The following LGR4 variants were observed in gnomAD, a reference collection of about 807,000 sequenced individuals.
The protein encoded by LGR4 is leucine-rich repeat-containing G protein-coupled receptor 4.
In LGR4, 44 loss-of-function variants were observed where a neutral mutation model predicts 84.8. That is an observed-to-expected ratio of 0.52 (90% CI 0.41 to 0.67). The LOEUF (loss-of-function observed/expected upper bound fraction) is 0.67, where lower values mean the gene tolerates loss of function less well. LGR4 is among the 30% of genes least tolerant of loss of function. The pLI is 0.00. For synonymous variants in LGR4, 429 were observed against 434.3 expected (o/e 0.99, Z 0.15); for missense variants, 1,032 against 1,131.4 (o/e 0.91, Z 1.26).
intron 1 of LGR4, among the ~76,000 whole-genome samples, chr11:27,434,472 A>G (rs1307848352): frequency 6.6e-6 from 1 of 152,222 alleles, no homozygotes; most frequent in Non-Finnish European, 1.5e-5. Flanking sequence ...CCAAAGTAAA[A>G]TAATTTTTGG....
chr11:27,438,581 G>C (rs1419915707), intron 1 of LGR4, among the ~76,000 whole-genome samples: 1 of 152,198 alleles, frequency 6.6e-6, no homozygotes, highest in Non-Finnish European at 1.5e-5. Context: ...ATATATATAA[G>C]GGTGTTTCTG....
rs550077473 is a variant in LGR4 at position 27,385,589 on chromosome 11, T to C, written c.402-121A>G. On this transcript the variant is annotated intron_variant, in intron 4 of 17. Transcript: ENST00000379214. ...TTATAAAAATTATCATCTTTAATTT[T>C]ACTAGAAGTCCTCATAACATCTAAT... is the stretch of plus-strand genomic sequence containing the variant. 1.9e-5 allele frequency: 12 copies of C among 618,546 alleles called. No homozygotes were observed. In the South Asian group the frequency reaches 2.7e-4, roughly 14 times the overall value. 38.3% of individuals were successfully genotyped at this position (618,546 alleles called of 1,614,324 possible).
At chr11:27,467,750 T>C (rs1864805479) in intron 1 of LGR4, among the ~76,000 whole-genome samples, 1 of 152,198 alleles carries the variant, frequency 6.6e-6, no homozygotes, top group African/African-American at 2.4e-5. Flanking sequence ...CAGCACTCCC[T>C]ATGCCTGGCA....
At chr11:27,437,621 G>T (rs1864233627) in intron 1 of LGR4, among the ~76,000 whole-genome samples, 1 of 150,484 alleles carries the variant, frequency 6.6e-6, no homozygotes, top group Admixed American at 6.6e-5. Context: ...TATTTTTAAA[G>T]TCTTTATGGA....
intron 2 of LGR4, among the ~76,000 whole-genome samples, chr11:27,399,321 C>G (rs190769488): frequency 6.6e-6 from 1 of 151,982 alleles, no homozygotes; most frequent in Non-Finnish European, 1.5e-5. Context: ...CATTCTATTC[C>G]CTCAAATGGA....
chr11:27,454,154 GCCAAT>G (rs1864531813), intron 1 of LGR4, among the ~76,000 whole-genome samples: 1 of 152,134 alleles, frequency 6.6e-6, no homozygotes, highest in African/African-American at 2.4e-5. Flanking sequence ...TCAGCCAATT[GCCAAT>G]CCGAAAATTT....
chr11:27,398,730 A>G (rs1863438592), intron 2 of LGR4, among the ~76,000 whole-genome samples: 1 of 152,198 alleles, frequency 6.6e-6, no homozygotes, highest in African/African-American at 2.4e-5. Flanking sequence ...GACAGTGACC[A>G]CAGCCTCCCA....
At chr11:27,461,836 A>ATTTTTTTTTTTTTTTTTTTTTTTTTTT (rs35205372) in intron 1 of LGR4, among the ~76,000 whole-genome samples, 2 of 76,560 alleles carry the variant, frequency 2.6e-5, no homozygotes, top group African/African-American at 5.2e-5. Context: ...TTGAGTTAGG[A>ATTTTTTTTTTTTTTTTTTTTTTTTTTT]TTTTTTTTTT....
intron 2 of LGR4, among the ~76,000 whole-genome samples, chr11:27,393,938 T>TGGGGGGG (rs1565077421): frequency 9.3e-4 from 4 of 4,300 alleles, no homozygotes; most frequent in Non-Finnish European, 5.2e-3. Flanking sequence ...GCACTGAAGA[T>TGGGGGGG]TGGGGGGGGG....
chr11:27,395,151 A>C (rs886234223), intron 2 of LGR4, among the ~76,000 whole-genome samples: 2 of 152,180 alleles, frequency 1.3e-5, no homozygotes, highest in Admixed American at 1.3e-4. Flanking sequence ...CATAAGAGGC[A>C]GTAGCCATCT....
intron 2 of LGR4, among the ~76,000 whole-genome samples, chr11:27,399,610 C>A (rs1590362705): frequency 6.6e-6 from 1 of 151,832 alleles, no homozygotes; most frequent in East Asian, 1.9e-4. Flanking sequence ...ACCTCAGCCT[C>A]CTGGGTTCAA....
At position 27,384,341 on chromosome 11, in the gene LGR4, C is replaced by T. The variant is rs1327103156; in HGVS notation, c.684G>A (p.Glu228=). ...QHCFDGLDNL[E]TLDLNYNNLG... is the part of the protein sequence containing the mutation. ...CAAAATATGAATATACTTACAAGGTCTCCAGGTTATCTAGTCCATCAAAAC... is the reference window on the plus strand; with the variant it reads ...CAAAATATGAATATACTTACAAGGTTTCCAGGTTATCTAGTCCATCAAAAC... The change falls in exon 6 of 18, where the codon GAG becomes GAA. Residue 228 remains glutamate (E), a synonymous_variant. Transcript: ENST00000379214. 1.3e-6 allele frequency: 2 copies of T among 1,597,768 alleles called. No individual in the cohort carries two copies. The highest frequency in any genetic ancestry group is 4.5e-5 in the East Asian group (2 of 44,692).
At chr11:27,409,846 T>A (rs1354316345) in intron 2 of LGR4, among the ~76,000 whole-genome samples, 3 of 152,128 alleles carry the variant, frequency 2.0e-5, no homozygotes. Context: ...GAAGCTACTG[T>A]GGAAGACTAT....
chr11:27,383,059 C>T (rs1440483018), intron 6 of LGR4, among the ~76,000 whole-genome samples: 1 of 151,934 alleles, frequency 6.6e-6, no homozygotes, highest in Non-Finnish European at 1.5e-5. Context: ...TCAGAAGGAC[C>T]AGGGTAGATT....
At chr11:27,422,238 CA>C (rs1260547186) in intron 1 of LGR4, among the ~76,000 whole-genome samples, 3 of 152,214 alleles carry the variant, frequency 2.0e-5, no homozygotes, top group Admixed American at 2.0e-4. Context: ...AATCCAACAG[CA>C]TTTACTATGG....
chr11:27,460,396 G>A (rs1021713285), intron 1 of LGR4, among the ~76,000 whole-genome samples: 1 of 152,122 alleles, frequency 6.6e-6, no homozygotes, highest in African/African-American at 2.4e-5. Flanking sequence ...TATCCTACTG[G>A]GAATTCAAGC....
chr11:27,366,411 G>A lies in LGR4; in HGVS notation c.*1456C>T, dbSNP rs929035750. The stretch of plus-strand genomic sequence containing the variant: ...GTTTAGGAGGTAGCTTTAATTAAAC[G>A]AAATGAACAGAAGCCACATTTCCCA... On this transcript the variant is annotated 3_prime_UTR_variant, in exon 18 of 18. Transcript: ENST00000379214. 11 of 152,598 alleles carry A rather than the reference G, an allele frequency of 7.2e-5. No homozygotes were observed. Among genetic ancestry groups the A allele is most frequent in the East Asian group, 3.9e-4 (2 of 5,186 alleles). The allele number at this position is 152,598 out of a possible 1,614,324, so 9.5% of individuals were successfully genotyped here.
At chr11:27,445,781 G>A (rs923437920) in intron 1 of LGR4, among the ~76,000 whole-genome samples, 1 of 152,116 alleles carries the variant, frequency 6.6e-6, no homozygotes, top group Non-Finnish European at 1.5e-5. Context: ...TGAAGGCAGA[G>A]GCCAGTAGAT....
intron 1 of LGR4, among the ~76,000 whole-genome samples, chr11:27,436,388 TGGGAG>T (rs760563423): frequency 1.3e-3 from 103 of 82,136 alleles, no homozygotes; most frequent in South Asian, 7.1e-3. Flanking sequence ...AGAGAGAGGA[TGGGAG>T]GGGAGGGGAG....
Sources: gnomAD v4.1 joint callset for allele counts (sites outside exome capture counted in the v4.1 genomes callset) on GRCh38, gnomAD v4.1.1 for gene constraint, MANE v1.5 for transcripts, NCBI Gene and HGNC (gene_info 2026-07-23, HGNC 2026-07-21) for gene names.